Variants in CRY2 observed in about 807,000 individuals in gnomAD.
CRY2 encodes the protein cryptochrome-2.
CRY2 carries 31 observed loss-of-function variants against 69.5 expected under a neutral mutation model. The observed-to-expected ratio is 0.45, with a 90% confidence interval of 0.34 to 0.60. The LOEUF is 0.60. Among genes scored for constraint, CRY2 ranks in the 20% least tolerant of loss-of-function variants. The pLI is 0.02. For synonymous variants in CRY2, 303 were observed against 312.2 expected, an observed-to-expected ratio of 0.97 and a Z score of 0.31; for missense variants, 606 against 797.8, an observed-to-expected ratio of 0.76 and a Z score of 2.90.
intron 1 of CRY2, among the ~76,000 whole-genome samples, chr11:45,851,565 C>G (rs1223793600): frequency 6.6e-6 from 1 of 152,096 alleles, no homozygotes; most frequent in African/African-American, 2.4e-5. Flanking sequence ...TGTTCTGCTG[C>G]CAAGGAAATG....
At chr11:45,878,036 C>A (rs1160983414) in intron 11 of CRY2, among the ~76,000 whole-genome samples, 1 of 152,224 alleles carries the variant, frequency 6.6e-6, no homozygotes, top group African/African-American at 2.4e-5. Flanking sequence ...CCGAAGTCAA[C>A]ATATGTCTGA....
intron 5 of CRY2, among the ~76,000 whole-genome samples, chr11:45,865,133 A>C (rs2086319941): frequency 6.6e-6 from 1 of 152,120 alleles, no homozygotes; most frequent in Non-Finnish European, 1.5e-5. Context: ...AAAAAAAAAA[A>C]GCTACTTAAA....
chr11:45,873,502 T>G (rs1241559859), intron 11 of CRY2, among the ~76,000 whole-genome samples: 1 of 152,234 alleles, frequency 6.6e-6, no homozygotes, highest in African/African-American at 2.4e-5. Context: ...CATCCTGTAT[T>G]ACAAATTTGG....
intron 11 of CRY2, among the ~76,000 whole-genome samples, chr11:45,880,158 T>C (rs535963979): frequency 6.6e-6 from 1 of 152,334 alleles, no homozygotes; most frequent in African/African-American, 2.4e-5. Context: ...GTAAGCCTAC[T>C]TATTGTCTAC....
At chr11:45,872,275 G>A in intron 11 of CRY2, 42 bp downstream of exon 11, 3 of 1,582,174 alleles carry the variant, frequency 1.9e-6, no homozygotes, top group Non-Finnish European at 2.6e-6. Flanking sequence ...GAAGGAAGTT[G>A]GGAGTGGGGG....
At chr11:45,855,593 A>G (rs2086233162) in intron 1 of CRY2, among the ~76,000 whole-genome samples, 1 of 152,210 alleles carries the variant, frequency 6.6e-6, no homozygotes, top group African/African-American at 2.4e-5. Context: ...GAAACACCAC[A>G]CTAGGAACAG....
At chr11:45,859,119 C>T (rs1221353449) in intron 3 of CRY2, among the ~76,000 whole-genome samples, 1 of 152,132 alleles carries the variant, frequency 6.6e-6, no homozygotes, top group Non-Finnish European at 1.5e-5. Flanking sequence ...AGGACCCACA[C>T]TCAGGGTATT....
chr11:45,847,639 T>C lies in CRY2; in HGVS notation c.149T>C (p.Val50Ala), dbSNP rs1309112297. 6.2e-7 allele frequency: 1 copy of C among 1,600,176 alleles called. No homozygotes were observed. The highest frequency in any genetic ancestry group is 8.5e-7 in the Non-Finnish European group (1 of 1,174,254). The change falls in exon 1 of 12, where the codon GTG becomes GCG. Residue 50 changes from valine to alanine, a missense_variant. Val to Ala is a moderately conservative substitution (Grantham distance 64, BLOSUM62 0). Transcript: ENST00000616080. ...GCGGCCGTGCGCGGGGCGCGCTGCG[T>C]GCGCTGCGTTTACATTCTCGACCCG... is the stretch of plus-strand genomic sequence containing the variant. ...LLAAVRGARC[V>A]RCVYILDPWF...
At chr11:45,865,746 A>G (rs1827435601) in intron 5 of CRY2, among the ~76,000 whole-genome samples, 1 of 152,132 alleles carries the variant, frequency 6.6e-6, no homozygotes, top group South Asian at 2.1e-4. Context: ...CCCTGTCTCA[A>G]AAAAAAGGGG....
intron 1 of CRY2, among the ~76,000 whole-genome samples, chr11:45,852,917 T>A (rs1590761343): frequency 6.6e-6 from 1 of 152,358 alleles, no homozygotes; most frequent in East Asian, 1.9e-4. Context: ...CCAATGCTGC[T>A]GATTGTCAGA....
rs554484270 is a variant in CRY2, at chr11:45,873,094, A to G, written c.*2+861A>G. On this transcript the variant is annotated intron_variant, in intron 11 of 11. Coordinates refer to ENST00000616080, the MANE Select transcript of CRY2 (RefSeq NM_021117.5). ...TCATCTTGGAAGCCTCCTGAATGTCATCAAAACACTGGCTTCTCCTTTCCC... is the reference window on the plus strand; with the variant it reads ...TCATCTTGGAAGCCTCCTGAATGTCGTCAAAACACTGGCTTCTCCTTTCCC... 5.9e-5 allele frequency among the ~76,000 whole-genome samples: 9 copies of G among 152,288 alleles called. No individual in the cohort carries two copies. The South Asian group carries it at 1.9e-3, about 32-fold the overall frequency.
chr11:45,873,922 A>G (rs1189167728), intron 11 of CRY2, among the ~76,000 whole-genome samples: 1 of 152,226 alleles, frequency 6.6e-6, no homozygotes, highest in Non-Finnish European at 1.5e-5. Context: ...TCTTGTACAA[A>G]TGACTTAACT....
rs1357427690 is a variant in CRY2, at chr11:45,872,163, G to A, written c.1714G>A (p.Glu572Lys). The A allele has an allele frequency of 6.2e-6, 10 of 1,614,052 alleles. No homozygotes were observed. Among genetic ancestry groups the A allele is most frequent in the Non-Finnish European group, 8.5e-6 (10 of 1,180,038 alleles). ...KLEAAEEPPG[E>K]ELSKRARVAE... The stretch of plus-strand genomic sequence containing the variant: ...GGAAGCAGCCGAGGAACCACCTGGT[G>A]AAGAACTCAGCAAACGGGCCCGGGT... The change falls in exon 11 of 12, where the codon GAA becomes AAA. Residue 572 changes from glutamate (E) to lysine (K), a missense_variant. Transcript: ENST00000616080.
chr11:45,847,446 G>A, upstream of CRY2: 5 of 1,593,604 alleles, frequency 3.1e-6, no homozygotes, highest in Non-Finnish European at 3.4e-6. Flanking sequence ...GGTCCACGTC[G>A]CCTACCGGGG....
intron 1 of CRY2, among the ~76,000 whole-genome samples, chr11:45,849,173 A>C (rs751863444): frequency 5.1e-4 from 77 of 152,170 alleles, no homozygotes; most frequent in Non-Finnish European, 6.2e-4. Flanking sequence ...GGAAGATTAA[A>C]AATCAACAAT....
At chr11:45,851,288 G>A (rs36103144) in intron 1 of CRY2, among the ~76,000 whole-genome samples, 1 of 152,182 alleles carries the variant, frequency 6.6e-6, no homozygotes, top group African/African-American at 2.4e-5. Context: ...GCTCTGTGCT[G>A]CGCCTCTTTC....
At chr11:45,848,993 C>G (rs2086173554) in intron 1 of CRY2, among the ~76,000 whole-genome samples, 1 of 152,182 alleles carries the variant, frequency 6.6e-6, no homozygotes, top group South Asian at 2.1e-4. Flanking sequence ...CAAGCATCAT[C>G]AAATGACCAT....
At chr11:45,868,461 C>T (rs1297394362) in intron 6 of CRY2, among the ~76,000 whole-genome samples, 2 of 152,136 alleles carry the variant, frequency 1.3e-5, no homozygotes, top group Non-Finnish European at 2.9e-5. Context: ...AATCCCTCTG[C>T]CTCAGCCTCT....
intron 5 of CRY2, among the ~76,000 whole-genome samples, chr11:45,867,167 G>A (rs958877204): frequency 6.6e-6 from 1 of 152,084 alleles, no homozygotes; most frequent in East Asian, 1.9e-4. Flanking sequence ...ACAATAATGC[G>A]AAGTCCCTGG....
Sources: gnomAD v4.1 joint callset for allele counts (sites outside exome capture counted in the v4.1 genomes callset) on GRCh38, gnomAD v4.1.1 for gene constraint, MANE v1.5 for transcripts, NCBI Gene and HGNC (gene_info 2026-07-23, HGNC 2026-07-21) for gene names.